The following CFAP46 variants were observed in gnomAD, a reference collection of about 807,000 sequenced individuals.
The protein encoded by CFAP46 is cilia and flagella associated protein 46, also known as cilia- and flagella-associated protein 46.
In CFAP46, 245 loss-of-function variants were observed where a neutral mutation model predicts 325.7. The ratio of observed to expected loss-of-function variants is 0.75; its 90% CI spans 0.68 to 0.84. The LOEUF (loss-of-function observed/expected upper bound fraction) is 0.84, where lower values mean the gene tolerates loss of function less well. Ranked by LOEUF, CFAP46 falls within the 40% of genes least tolerant of loss-of-function variation. The probability of loss-of-function intolerance (pLI) is 0.00; values close to 1 mark genes in which losing one functional copy is unlikely to be tolerated. For missense variants in CFAP46, 3,346 were observed against 3,543.0 expected, an observed-to-expected ratio of 0.94 and a Z score of 1.41; for synonymous variants, 1,523 against 1,495.9, an observed-to-expected ratio of 1.02 and a Z score of -0.42.
intron 5 of CFAP46, 135 bp downstream of exon 5, chr10:132,938,454 T>C (rs1345771379): frequency 8.8e-5 from 75 of 849,884 alleles, no homozygotes; most frequent in Non-Finnish European, 1.2e-4. Context: ...AACTTGTGAC[T>C]GTGGGAGAGA....
intron 31 of CFAP46, among the ~76,000 whole-genome samples, chr10:132,875,757 T>A (rs1591066470): frequency 6.6e-6 from 1 of 152,030 alleles, no homozygotes. Flanking sequence ...GCAAAATATT[T>A]CCACTTTTTG....
chr10:132,843,988 G>A (rs1488165775), intron 44 of CFAP46, among the ~76,000 whole-genome samples: 7 of 123,852 alleles, frequency 5.7e-5, no homozygotes, highest in African/African-American at 1.3e-4. Flanking sequence ...TCTGGTCTCA[G>A]TGGGTGTTCC....
intron 27 of CFAP46, among the ~76,000 whole-genome samples, chr10:132,882,116 G>A (rs1849054583): frequency 7.0e-6 from 1 of 143,434 alleles, no homozygotes; most frequent in Non-Finnish European, 1.5e-5. Flanking sequence ...TGTGTGGTCT[G>A]TATGGGATGT....
chr10:132,865,987 C>A, intron 35 of CFAP46, 38 bp downstream of exon 35: 1 of 1,456,198 alleles, frequency 6.9e-7, no homozygotes. Context: ...GCGCTGGGAG[C>A]GGCTGTGGAT....
chr10:132,933,922 C>T (rs887718732), intron 8 of CFAP46, among the ~76,000 whole-genome samples: 8 of 152,192 alleles, frequency 5.3e-5, no homozygotes, highest in East Asian at 1.9e-4. Context: ...CCCAGGTTCC[C>T]GTCCCACAGA....
chr10:132,917,066 G>A (rs375085476), intron 16 of CFAP46, among the ~76,000 whole-genome samples: 2 of 152,370 alleles, frequency 1.3e-5, no homozygotes. Context: ...GGCCTCCGGG[G>A]CGTGGATGAC....
intron 50 of CFAP46, among the ~76,000 whole-genome samples, chr10:132,826,235 A>G (rs1848046584): frequency 8.1e-6 from 1 of 123,796 alleles, no homozygotes; most frequent in Non-Finnish European, 1.8e-5. Context: ...GGAGCCAGGC[A>G]GGAGCCGGAG....
At chr10:132,840,556 C>G (rs562040620) in intron 44 of CFAP46, among the ~76,000 whole-genome samples, 1 of 152,306 alleles carries the variant, frequency 6.6e-6, no homozygotes, top group East Asian at 1.9e-4. Context: ...TTCTTGTATG[C>G]AAGGCTGTTA....
At chr10:132,863,065 C>T (rs1057457781) in intron 35 of CFAP46, among the ~76,000 whole-genome samples, 4 of 152,152 alleles carry the variant, frequency 2.6e-5, no homozygotes, top group African/African-American at 9.7e-5. Context: ...GGGTGGCGAA[C>T]CCACGTTCGC....
In CFAP46 at chr10:132,859,208, C is replaced by G; in HGVS notation, c.5238G>C (p.Ala1746=). 1.3e-6 allele frequency: 2 copies of G among 1,550,202 alleles called. No homozygotes were observed. Among genetic ancestry groups the G allele is most frequent in the Non-Finnish European group, 1.7e-6 (2 of 1,146,998 alleles). The change falls in exon 38 of 58, where the codon GCG becomes GCC. Residue 1746 remains alanine, a synonymous_variant. Coordinates refer to ENST00000368586, the MANE Select transcript of CFAP46 (RefSeq NM_001200049.3). ...SLRVRVAQHS[A]VTEPTECSLL... ...ACGAGCACTCTGTGGGTTCAGTGAC[C>G]GCTGAGTGCTGCGCAACTCTGACCC...
Position 132,918,591 on chromosome 10 carries a change from A to T in CFAP46, c.1859-71T>A, listed in dbSNP as rs11146033. On this transcript the variant is annotated intron_variant, in intron 15 of 57. Transcript: ENST00000368586. ...ATAAATAAAAACACAAGAATTCCTG[A>T]ACCATCTTGGAGTGCCTGAGCCTCT... The T allele has an allele frequency of 1.3e-5, 19 of 1,464,720 alleles. No individual in the cohort carries two copies. In the South Asian group the frequency reaches 2.5e-4, roughly 19 times the overall value. 90.7% of individuals were successfully genotyped at this position (1,464,720 alleles called of 1,614,324 possible).
Position 132,817,254 on chromosome 10 carries a change from GT to G in CFAP46, c.7118-2341del, listed in dbSNP as rs1847712593. 6.6e-6 allele frequency among the ~76,000 whole-genome samples: 1 copy of G among 152,156 alleles called. No homozygotes were observed. Reference sequence around the variant, plus strand: ...CTAATAATGCCTGGCTCTAAAGTCTGTTTCCTCTGAGAGTCAGACACCGGCC... The same window carrying G: ...CTAATAATGCCTGGCTCTAAAGTCTGTTCCTCTGAGAGTCAGACACCGGCC... On this transcript the variant is annotated intron_variant, in intron 50 of 57. Coordinates refer to ENST00000368586, the MANE Select transcript of CFAP46 (RefSeq NM_001200049.3). This position sits in a 1 kb window ranked among gnomAD's most constrained non-coding sequence, Gnocchi z 4.4.
intron 12 of CFAP46, 21 bp from the exon 13 acceptor site, chr10:132,922,245 T>G: frequency 6.5e-7 from 1 of 1,545,188 alleles, no homozygotes; most frequent in African/African-American, 1.4e-5. Flanking sequence ...CAGAGACTGA[T>G]GAGCAAGGGG....
At chr10:132,908,683 T>C in intron 21 of CFAP46, 49 bp from the exon 22 acceptor site, 1 of 1,481,794 alleles carries the variant, frequency 6.7e-7, no homozygotes, top group South Asian at 1.4e-5. Flanking sequence ...AACAACGAAC[T>C]TCCCACGGCC....
chr10:132,931,707 T>C (rs1471192337), intron 8 of CFAP46, among the ~76,000 whole-genome samples: 2 of 114,028 alleles, frequency 1.8e-5, no homozygotes, highest in Non-Finnish European at 3.5e-5. Flanking sequence ...AGCCTGGGCC[T>C]CCCTCCTCTC....
intron 28 of CFAP46, 123 bp downstream of exon 28, chr10:132,880,738 G>C (rs1849029065): frequency 1.7e-6 from 2 of 1,187,024 alleles, no homozygotes; most frequent in African/African-American, 1.5e-5. Context: ...CACGTCAGGG[G>C]CTCCTGGCCT....
intron 50 of CFAP46, among the ~76,000 whole-genome samples, chr10:132,820,703 G>A (rs1401570254): frequency 8.7e-5 from 9 of 104,010 alleles, no homozygotes; most frequent in Non-Finnish European, 1.6e-4. Context: ...GCTGATGTGT[G>A]CTGTGTGTGC....
At chr10:132,931,063 C>CT in intron 8 of CFAP46, among the ~76,000 whole-genome samples, 1 of 108,952 alleles carries the variant, frequency 9.2e-6, no homozygotes, top group Admixed American at 8.8e-5. Flanking sequence ...GAGCCTGGGC[C>CT]TCCCTCCTCT....
At chr10:132,940,954 T>C in intron 4 of CFAP46, 42 bp downstream of exon 4, 1 of 1,596,588 alleles carries the variant, frequency 6.3e-7, no homozygotes, top group Non-Finnish European at 8.6e-7. Flanking sequence ...TCTGAAGTCT[T>C]TCACCCAGTC....
Sources: allele counts gnomAD v4.1 joint callset (sites outside exome capture counted in the v4.1 genomes callset), GRCh38; gene constraint gnomAD v4.1.1; non-coding constraint Gnocchi (gnomAD v3.1); transcripts MANE v1.5; gene names NCBI Gene and HGNC (gene_info 2026-07-23, HGNC 2026-07-21).